Variants in HSPG2 observed in about 807,000 individuals in gnomAD.
HSPG2 encodes the protein basement membrane-specific heparan sulfate proteoglycan core protein.
HSPG2 carries 278 observed loss-of-function variants against 526.6 expected under a neutral mutation model. That is an observed-to-expected ratio of 0.53 (90% CI 0.48 to 0.58). The LOEUF is 0.58. HSPG2 is among the 20% of genes least tolerant of loss of function. HSPG2 has a pLI of 0.00. For missense variants in HSPG2, 5,354 were observed against 6,099.5 expected, an observed-to-expected ratio of 0.88 and a Z score of 4.07; for synonymous variants, 2,465 against 2,555.4, an observed-to-expected ratio of 0.96 and a Z score of 1.07.
intron 1 of HSPG2, among the ~76,000 whole-genome samples, chr1:21,929,750 C>T (rs183844381): frequency 1.3e-5 from 2 of 152,236 alleles, no homozygotes; most frequent in African/African-American, 4.8e-5. Context: ...GATGCTGAAG[C>T]CAAAGACTGT....
rs1382975752 is a variant in HSPG2 at position 21,887,395 on chromosome 1, C to G, written c.958+25G>C. 2 of 1,613,958 alleles carry G rather than the reference C, an allele frequency of 1.2e-6. No individual in the cohort carries two copies. The highest frequency in any genetic ancestry group is 1.7e-6 in the Non-Finnish European group (2 of 1,179,938). On this transcript the variant is annotated intron_variant, in intron 8 of 96. Transcript: ENST00000374695. The surrounding 1 kb of genome is among the most constrained non-coding windows in gnomAD (Gnocchi z 5.0). ...GGGCCAGCTTCCTGCTCCCCGCACCCACCTGCACCCCTGCCGGTGCGCACC... is the reference window on the plus strand; with the variant it reads ...GGGCCAGCTTCCTGCTCCCCGCACCGACCTGCACCCCTGCCGGTGCGCACC...
intron 53 of HSPG2, 65 bp from the exon 54 acceptor site, chr1:21,851,991 TC>T: frequency 2.5e-6 from 4 of 1,609,356 alleles, no homozygotes; most frequent in South Asian, 1.1e-5. Flanking sequence ...CCCACCGCTG[TC>T]CCCCCGATCT....
intron 85 of HSPG2, 54 bp from the exon 86 acceptor site, chr1:21,830,145 G>A: frequency 7.2e-7 from 1 of 1,397,930 alleles, no homozygotes; most frequent in Non-Finnish European, 9.8e-7. Context: ...GGAGGGAGGG[G>A]GGTCCTGATG....
At chr1:21,884,454 T>G in intron 13 of HSPG2, 74 bp downstream of exon 13, 1 of 1,588,812 alleles carries the variant, frequency 6.3e-7, no homozygotes, top group Non-Finnish European at 8.6e-7. Context: ...TGTCCGCATC[T>G]ATCCTCTGTG....
chr1:21,890,318 C>A lies in HSPG2; in HGVS notation c.413+109G>T. The A allele has an allele frequency of 7.7e-7, 1 of 1,296,948 alleles. No individual in the cohort carries two copies. Among genetic ancestry groups the A allele is most frequent in the South Asian group, 1.2e-5 (1 of 84,682 alleles). 80.3% of individuals were successfully genotyped at this position (1,296,948 alleles called of 1,614,324 possible). On this transcript the variant is annotated intron_variant, in intron 5 of 96. Transcript: ENST00000374695. The surrounding 1 kb of genome is among the most constrained non-coding windows in gnomAD (Gnocchi z 4.1). ...ATTCCTGAATTTCCACCCACAGCGA[C>A]TCATCCCATAGGCCTTTCCGCGGTG...
chr1:21,845,911 G>A (rs555817362), intron 64 of HSPG2, among the ~76,000 whole-genome samples, 197 bp downstream of exon 64: 2 of 152,328 alleles, frequency 1.3e-5, no homozygotes, highest in South Asian at 4.1e-4. Flanking sequence ...CGCAAGCCGT[G>A]GAGAGGGACA....
In HSPG2 at chr1:21,861,852, G is replaced by C. The variant is rs762108906; in HGVS notation, c.4869-9C>G. Reference sequence around the variant, plus strand: ...CACAGGTGCGGGAAAACCTGGGATCGGGGAGGCAAAGGTCAGGTCATGGGA... The same window carrying C: ...CACAGGTGCGGGAAAACCTGGGATCCGGGAGGCAAAGGTCAGGTCATGGGA... On this transcript the variant is annotated splice_polypyrimidine_tract_variant and intron_variant, in intron 38 of 96. Transcript: ENST00000374695. 1.2e-6 allele frequency: 2 copies of C among 1,613,438 alleles called. No homozygotes were observed. The highest frequency in any genetic ancestry group is 2.2e-5 in the East Asian group (1 of 44,870).
Position 21,842,114 on chromosome 1 carries a change from G to T in HSPG2, c.9081C>A (p.Asp3027Glu). ...YRLRSPVISI[D>E]PPSSTVQQGQ... ...CCTGCTGCACGGTGCTGCTGGGCGGGTCGATGGAGATGACCGGGCTCCTAA... is the reference window on the plus strand; with the variant it reads ...CCTGCTGCACGGTGCTGCTGGGCGGTTCGATGGAGATGACCGGGCTCCTAA... Residue 3027 changes from aspartate to glutamate, a missense_variant, in exon 69 of 97, where the codon GAC becomes GAA. By Grantham distance (45) the Asp-to-Glu change is conservative. Coordinates refer to ENST00000374695, the MANE Select transcript of HSPG2 (RefSeq NM_005529.7). 1 of 1,613,730 alleles carries T rather than the reference G, an allele frequency of 6.2e-7. No individual in the cohort carries two copies. The highest frequency in any genetic ancestry group is 8.5e-7 in the Non-Finnish European group (1 of 1,180,024).
At chr1:21,906,523 G>A (rs1173158897) in intron 1 of HSPG2, among the ~76,000 whole-genome samples, 1 of 152,208 alleles carries the variant, frequency 6.6e-6, no homozygotes, top group Middle Eastern at 3.2e-3. Flanking sequence ...AGATAGGCCT[G>A]TGGAGAGCAG....
chr1:21,908,146 A>C, intron 1 of HSPG2: 1 of 834,658 alleles, frequency 1.2e-6, no homozygotes, highest in East Asian at 2.4e-5. Context: ...GATGTTCTCC[A>C]GGCCTTTTAG....
intron 55 of HSPG2, chr1:21,851,268 C>G (rs1038615196): frequency 2.0e-6 from 1 of 502,716 alleles, no homozygotes; most frequent in African/African-American, 1.9e-5. Flanking sequence ...CCACCGTGCC[C>G]GGCTGGTACG....
intron 21 of HSPG2, among the ~76,000 whole-genome samples, chr1:21,877,891 CA>C (rs1313370929): frequency 6.6e-6 from 1 of 152,204 alleles, no homozygotes; most frequent in Admixed American, 6.5e-5. Flanking sequence ...ATCATTGTAT[CA>C]ATGTGACAAT....
In HSPG2 at chr1:21,864,418, C is replaced by G. The variant is rs1640061525; in HGVS notation, c.4627-205G>C. On this transcript the variant is annotated intron_variant, in intron 36 of 96. Coordinates refer to ENST00000374695, the MANE Select transcript of HSPG2 (RefSeq NM_005529.7). The surrounding 1 kb of genome is among the most constrained non-coding windows in gnomAD (Gnocchi z 4.8). ...CACTGTTCACCTCTGGGAGGCATCT[C>G]TATGCTGTGCTTTGGGCCGGAGTAA... Among the ~76,000 whole-genome samples, 1 of 152,210 alleles carries G rather than the reference C, an allele frequency of 6.6e-6. No homozygotes were observed. The highest frequency in any genetic ancestry group is 1.5e-5 in the Non-Finnish European group (1 of 68,028).
rs887098034 is a variant in HSPG2, at chr1:21,887,068, C to T, written c.1078+147G>A. 3.4e-6 allele frequency: 3 copies of T among 891,988 alleles called. No homozygotes were observed. The highest frequency in any genetic ancestry group is 2.3e-5 in the Admixed American group (1 of 43,230). 55.3% of individuals were successfully genotyped at this position (891,988 alleles called of 1,614,324 possible). A position where few individuals can be genotyped will look rare whatever the true frequency, so the allele number is the denominator to read the frequency against. ...GTCTCCAGGGCCTTCCGCACTCAGC[C>T]AGGGAGAGCAAACAAACAGGCTTGG... On this transcript the variant is annotated intron_variant, in intron 9 of 96. Coordinates refer to ENST00000374695, the MANE Select transcript of HSPG2 (RefSeq NM_005529.7). This position sits in a 1 kb window ranked among gnomAD's most constrained non-coding sequence, Gnocchi z 5.0.
rs1363065809 is a variant in HSPG2 at position 21,893,855 on chromosome 1, A to G, written c.244+2067T>C. Among the ~76,000 whole-genome samples the G allele has an allele frequency of 1.3e-5, 2 of 151,736 alleles. No individual in the cohort carries two copies. The highest frequency in any genetic ancestry group is 2.9e-5 in the Non-Finnish European group (2 of 67,860). The stretch of plus-strand genomic sequence containing the variant: ...GAGAAAAGGTAAGACAAAGGTGAAG[A>G]AAAAGGCAGAGGGAAAAAGAAAAAA... On this transcript the variant is annotated intron_variant, in intron 3 of 96. Coordinates refer to ENST00000374695, the MANE Select transcript of HSPG2 (RefSeq NM_005529.7). The surrounding 1 kb of genome is among the most constrained non-coding windows in gnomAD (Gnocchi z 4.3).
At chr1:21,829,140 C>T (rs2097990640) in intron 87 of HSPG2, 61 bp from the exon 88 acceptor site, 4 of 1,512,176 alleles carry the variant, frequency 2.6e-6, no homozygotes, top group African/African-American at 1.4e-5. Context: ...CTGCCCTCTC[C>T]ACCACAAACA....
rs1345158839 is a variant in HSPG2 at position 21,855,604 on chromosome 1, G to A, written c.5773C>T (p.Pro1925Ser). 3 of 1,582,786 alleles carry A rather than the reference G, an allele frequency of 1.9e-6. No homozygotes were observed. Among genetic ancestry groups the A allele is most frequent in the Non-Finnish European group, 2.6e-6 (3 of 1,166,852 alleles). The change falls in exon 46 of 97, where the codon CCC (proline) becomes TCC (serine). Residue 1925 changes from proline to serine, a missense_variant. Transcript: ENST00000374695. ...GGILRLPAVE[P>S]TDQAQYLCRA... is the part of the protein sequence containing the mutation. ...CACAAGTACTGGGCCTGATCCGTGG[G>A]CTCGACAGCTGGCAGGCGCAGGATG...
rs1257292760 is a variant in HSPG2, at chr1:21,852,941, C to A, written c.6569G>T (p.Gly2190Val). The A allele has an allele frequency of 6.2e-7, 1 of 1,613,092 alleles. No homozygotes were observed. Among genetic ancestry groups the A allele is most frequent in the African/African-American group, 1.3e-5 (1 of 74,914 alleles). The change falls in exon 51 of 97, where the codon GGC (glycine) becomes GTC (valine). Residue 2190 changes from glycine to valine, a missense_variant. Coordinates refer to ENST00000374695, the MANE Select transcript of HSPG2 (RefSeq NM_005529.7). ...TACCTGGTGCCGGGCAGGGAGGCTGCCCCCACGCTTGTGCCACGTGACCTG... is the reference window on the plus strand; with the variant it reads ...TACCTGGTGCCGGGCAGGGAGGCTGACCCCACGCTTGTGCCACGTGACCTG... Reference protein sequence around the residue: ...HAQVTWHKRGGSLPARHQTHG... With the variant: ...HAQVTWHKRGVSLPARHQTHG...
At chr1:21,920,330 C>T (rs1200744361) in intron 1 of HSPG2, among the ~76,000 whole-genome samples, 1 of 152,238 alleles carries the variant, frequency 6.6e-6, no homozygotes, top group Non-Finnish European at 1.5e-5. Flanking sequence ...TCACCCTTCT[C>T]ATGCATCACC....
Sources: allele counts gnomAD v4.1 joint callset (sites outside exome capture counted in the v4.1 genomes callset), GRCh38; gene constraint gnomAD v4.1.1; non-coding constraint Gnocchi (gnomAD v3.1); transcripts MANE v1.5; gene names NCBI Gene and HGNC (gene_info 2026-07-23, HGNC 2026-07-21).